CSMD1: variants seen among roughly 807,000 people sequenced by gnomAD.
CSMD1 encodes CUB and sushi domain-containing protein 1.
A neutral mutation model predicts 417.5 loss-of-function variants in CSMD1; 213 were observed. That is an observed-to-expected ratio of 0.51 (90% CI 0.46 to 0.57). The LOEUF is 0.57. Ranked by LOEUF, CSMD1 falls within the 20% of genes least tolerant of loss-of-function variation. The probability of loss-of-function intolerance (pLI) is 0.00; values close to 1 mark genes in which losing one functional copy is unlikely to be tolerated. For synonymous variants in CSMD1, 2,862 were observed against 1,736.8 expected (o/e 1.65, Z -16.11); for missense variants, 6,923 against 4,529.7 (o/e 1.53, Z -15.17).
intron 17 of CSMD1, among the ~76,000 whole-genome samples, chr8:3,394,743 C>G (rs375380768): frequency 6.6e-6 from 1 of 151,964 alleles, no homozygotes; most frequent in Admixed American, 6.6e-5. Context: ...AGTGACAACT[C>G]GAATGGACAT....
intron 3 of CSMD1, among the ~76,000 whole-genome samples, chr8:4,154,822 C>A (rs564186959): frequency 2.6e-5 from 4 of 151,966 alleles, no homozygotes; most frequent in East Asian, 1.9e-4. Context: ...AAGAGAGGCA[C>A]GATTATAAAT....
At chr8:3,277,879 C>G (rs1026835552) in intron 26 of CSMD1, among the ~76,000 whole-genome samples, 1 of 152,200 alleles carries the variant, frequency 6.6e-6, no homozygotes, top group East Asian at 1.9e-4. Flanking sequence ...AACATTCCAT[C>G]ATTTCTTCCC....
At chr8:4,024,459 T>C (rs770924796) in intron 4 of CSMD1, among the ~76,000 whole-genome samples, 2 of 152,172 alleles carry the variant, frequency 1.3e-5, no homozygotes, top group Non-Finnish European at 2.9e-5. Context: ...TGATCTTCAA[T>C]GTTAGTAAAG....
chr8:3,717,797 A>G (rs1272546457), intron 6 of CSMD1, among the ~76,000 whole-genome samples: 1 of 152,186 alleles, frequency 6.6e-6, no homozygotes, highest in African/African-American at 2.4e-5. Context: ...TAGATTATTC[A>G]TAATGTATTT....
chr8:3,900,927 A>T (rs903184150), intron 5 of CSMD1, among the ~76,000 whole-genome samples: 3 of 152,232 alleles, frequency 2.0e-5, no homozygotes, highest in African/African-American at 4.8e-5. Context: ...AACACTATGG[A>T]TTATTAAATA....
chr8:4,062,623 G>C (rs370990317), intron 3 of CSMD1, among the ~76,000 whole-genome samples: 1 of 151,962 alleles, frequency 6.6e-6, no homozygotes, highest in East Asian at 1.9e-4. Flanking sequence ...TGGAAAAACA[G>C]CACTTATTAG....
chr8:4,001,626 G>C (rs1349101955), intron 4 of CSMD1, among the ~76,000 whole-genome samples: 1 of 152,074 alleles, frequency 6.6e-6, no homozygotes, highest in South Asian at 2.1e-4. Flanking sequence ...TCTAATATTT[G>C]AGTCCCCTGA....
At chr8:3,591,757 G>C (rs561921106) in intron 8 of CSMD1, among the ~76,000 whole-genome samples, 74 of 149,776 alleles carry the variant, frequency 4.9e-4, no homozygotes, top group African/African-American at 1.8e-3. Context: ...CGGAGAGACA[G>C]ATGATAGACA....
chr8:3,236,870 G>C (rs1446367101), intron 26 of CSMD1, among the ~76,000 whole-genome samples: 1 of 152,124 alleles, frequency 6.6e-6, no homozygotes, highest in Non-Finnish European at 1.5e-5. Context: ...CTGTTCCTGA[G>C]ATTATGAGTG....
intron 2 of CSMD1, among the ~76,000 whole-genome samples, chr8:4,430,698 A>C (rs4875343): frequency 0.29 from 43,708 of 151,986 alleles, 6,491 homozygotes; most frequent in Middle Eastern, 0.34. Flanking sequence ...AGACTATCGG[A>C]AACAAAAAAT....
At chr8:3,585,792 G>A (rs973048969) in intron 9 of CSMD1, among the ~76,000 whole-genome samples, 3 of 152,034 alleles carry the variant, frequency 2.0e-5, no homozygotes, top group Admixed American at 1.3e-4. Flanking sequence ...TTAGGTTTGC[G>A]GGGTGCACAG....
At chr8:3,560,808 A>G (rs1011446079) in intron 10 of CSMD1, among the ~76,000 whole-genome samples, 2 of 152,224 alleles carry the variant, frequency 1.3e-5, no homozygotes, top group South Asian at 4.1e-4. Context: ...TAGAGAAAGC[A>G]ATTTCATTTA....
chr8:4,018,480 G>T (rs1025430543), intron 4 of CSMD1, among the ~76,000 whole-genome samples: 3 of 152,116 alleles, frequency 2.0e-5, no homozygotes, highest in Non-Finnish European at 4.4e-5. Context: ...TTTGCACAAG[G>T]AGCAGGTGGA....
intron 3 of CSMD1, among the ~76,000 whole-genome samples, chr8:4,327,023 A>G (rs1799599168): frequency 6.6e-6 from 1 of 152,202 alleles, no homozygotes; most frequent in African/African-American, 2.4e-5. Flanking sequence ...ACCAGACCAC[A>G]GAAGGTCAGT....
intron 50 of CSMD1, among the ~76,000 whole-genome samples, chr8:3,044,645 G>A (rs914779292): frequency 2.7e-5 from 4 of 150,814 alleles, no homozygotes; most frequent in African/African-American, 4.9e-5. Context: ...AAAAAAAAAA[G>A]GGACCTCAAA....
At chr8:3,054,986 T>G (rs1300059368) in intron 49 of CSMD1, among the ~76,000 whole-genome samples, 1 of 152,188 alleles carries the variant, frequency 6.6e-6, no homozygotes, top group African/African-American at 2.4e-5. Flanking sequence ...CCTCATCATT[T>G]TCTCTCAGAT....
At chr8:4,186,458 A>G (rs1360763860) in intron 3 of CSMD1, among the ~76,000 whole-genome samples, 2 of 152,160 alleles carry the variant, frequency 1.3e-5, no homozygotes, top group African/African-American at 2.4e-5. Context: ...ACCTTGTAAA[A>G]TAAGGATGCT....
chr8:4,719,088 T>C (rs1384232518), intron 1 of CSMD1, among the ~76,000 whole-genome samples: 2 of 152,116 alleles, frequency 1.3e-5, no homozygotes, highest in Non-Finnish European at 2.9e-5. Context: ...TGTTTTAATG[T>C]GGTTGGTTTC....
At chr8:3,840,833 G>T (rs867395725) in intron 5 of CSMD1, among the ~76,000 whole-genome samples, 1 of 151,180 alleles carries the variant, frequency 6.6e-6, no homozygotes, top group Non-Finnish European at 1.5e-5. Context: ...GTAGCTGGGC[G>T]CCTGCCACTA....
Sources: gnomAD v4.1 joint callset for allele counts (sites outside exome capture counted in the v4.1 genomes callset) on GRCh38, gnomAD v4.1.1 for gene constraint, MANE v1.5 for transcripts, NCBI Gene and HGNC (gene_info 2026-07-23, HGNC 2026-07-21) for gene names.